The following THRA variants were observed in gnomAD, a reference collection of about 807,000 sequenced individuals.
The protein encoded by THRA is thyroid hormone receptor alpha.
A neutral mutation model predicts 45.0 loss-of-function variants in THRA; 13 were observed. That is an observed-to-expected ratio of 0.29 (90% CI 0.19 to 0.46). The LOEUF is 0.46. Ranked by LOEUF, THRA falls within the 20% of genes least tolerant of loss-of-function variation. The pLI, the probability that THRA is intolerant of heterozygous loss-of-function variation, is 1.00. For synonymous variants in THRA, 195 were observed against 214.0 expected, an observed-to-expected ratio of 0.91 and a Z score of 0.78; for missense variants, 278 against 556.1, an observed-to-expected ratio of 0.50 and a Z score of 5.03.
At chr17:40,068,620 C>T (rs559079807) in intron 1 of THRA, among the ~76,000 whole-genome samples, 1 of 152,214 alleles carries the variant, frequency 6.6e-6, no homozygotes, top group Middle Eastern at 3.2e-3. Flanking sequence ...CCAGGAAATA[C>T]TATCCTTGCT....
intron 1 of THRA, among the ~76,000 whole-genome samples, chr17:40,065,908 C>T (rs568848633): frequency 1.3e-5 from 2 of 152,244 alleles, no homozygotes; most frequent in East Asian, 1.9e-4. Flanking sequence ...AGGCTCCCCC[C>T]ACACTGGCCC....
Position 40,077,609 on chromosome 17 carries a change from G to A in THRA, c.222+1G>A. ...CTGTATCACTTGTGAGGGCTGCAAGGTATGGAAGCTACCTCCTGCCCCTCC... is the reference window on the plus strand; with the variant it reads ...CTGTATCACTTGTGAGGGCTGCAAGATATGGAAGCTACCTCCTGCCCCTCC... On this transcript the variant is annotated splice_donor_variant, in intron 4 of 8. Transcript: ENST00000450525. LOFTEE classifies it high-confidence loss of function. 6.2e-7 allele frequency: 1 copy of A among 1,613,188 alleles called. No individual in the cohort carries two copies. Among genetic ancestry groups the A allele is most frequent in the Non-Finnish European group, 8.5e-7 (1 of 1,179,334 alleles).
At chr17:40,069,585 G>T (rs1203795670) in intron 1 of THRA, among the ~76,000 whole-genome samples, 2 of 152,146 alleles carry the variant, frequency 1.3e-5, no homozygotes, top group East Asian at 1.9e-4. Flanking sequence ...CCAATTACCC[G>T]CTGGCTGCTG....
At chr17:40,067,699 G>A (rs1986621450) in intron 1 of THRA, among the ~76,000 whole-genome samples, 1 of 152,204 alleles carries the variant, frequency 6.6e-6, no homozygotes, top group Admixed American at 6.5e-5. Flanking sequence ...GTGACGGGAA[G>A]CCTTTGGAGT....
chr17:40,062,693 C>A (rs1490101904), upstream of THRA: 1 of 150,742 alleles, frequency 6.6e-6, no homozygotes, highest in African/African-American at 2.4e-5. Flanking sequence ...CGGGAGCCGC[C>A]CGGGCTGGGG....
intron 1 of THRA, among the ~76,000 whole-genome samples, chr17:40,065,109 G>T (rs911251206): frequency 1.7e-4 from 26 of 152,012 alleles, no homozygotes; most frequent in African/African-American, 6.3e-4. Context: ...GTGGGTTCAG[G>T]GGGGTTCCAG....
downstream of THRA, chr17:40,093,348 G>T: frequency 6.8e-6 from 11 of 1,612,678 alleles, no homozygotes; most frequent in South Asian, 1.1e-5. This position sits in a 1 kb window ranked among gnomAD's most constrained non-coding sequence, Gnocchi z 5.9. Context: ...CCGGAGGTCT[G>T]CGAGGACCTG....
chr17:40,063,413 C>A (rs976970859), intron 1 of THRA, among the ~76,000 whole-genome samples: 10 of 152,156 alleles, frequency 6.6e-5, no homozygotes, highest in Non-Finnish European at 1.3e-4. Flanking sequence ...GGCCGGGCCC[C>A]GTTGCCGGCC....
intron 2 of THRA, among the ~76,000 whole-genome samples, chr17:40,074,846 C>T (rs2145056645): frequency 6.6e-6 from 1 of 152,336 alleles, no homozygotes; most frequent in South Asian, 2.1e-4. Flanking sequence ...CCATTGCTGC[C>T]CTTACCTTGA....
chr17:40,070,863 C>T (rs1172116492), intron 1 of THRA, among the ~76,000 whole-genome samples: 2 of 150,764 alleles, frequency 1.3e-5, no homozygotes, highest in East Asian at 2.0e-4. Flanking sequence ...GGGTACGAAG[C>T]CCCCCACCCA....
chr17:40,069,996 G>T (rs1192979599), intron 1 of THRA, among the ~76,000 whole-genome samples: 2 of 151,918 alleles, frequency 1.3e-5, no homozygotes, highest in African/African-American at 4.8e-5. Flanking sequence ...TGACCTGCAG[G>T]GGGGGTTTCC....
chr17:40,087,256 A>C (rs1987356535), intron 7 of THRA, among the ~76,000 whole-genome samples: 1 of 151,246 alleles, frequency 6.6e-6, no homozygotes, highest in African/African-American at 2.4e-5. Context: ...ACACACACAC[A>C]CACACCTAGC....
intron 1 of THRA, among the ~76,000 whole-genome samples, chr17:40,070,623 A>G (rs1484339924): frequency 1.3e-5 from 2 of 152,056 alleles, no homozygotes; most frequent in Non-Finnish European, 2.9e-5. Flanking sequence ...GCCCCTCAGC[A>G]TCGCCCTTCC....
chr17:40,089,356 G>C lies in THRA; in HGVS notation c.1133G>C (p.Gly378Ala). The C allele has an allele frequency of 6.2e-7, 1 of 1,614,080 alleles. No individual in the cohort carries two copies. The highest frequency in any genetic ancestry group is 8.5e-7 in the Non-Finnish European group (1 of 1,180,010). The change falls in exon 9 of 9, where the codon GGG becomes GCG. Residue 378 changes from glycine (G) to alanine (A), a missense_variant. Physicochemically the swap from Gly to Ala is moderately conservative, Grantham distance 60 (BLOSUM62 0). Coordinates refer to ENST00000450525, the MANE Select transcript of THRA (RefSeq NM_199334.5). The surrounding 1 kb of genome is among the most constrained non-coding windows in gnomAD (Gnocchi z 6.1). ...AAGGTGACTGACCTCCGCATGATCG[G>C]GGCCTGCCACGCCAGCCGCTTCCTC... ...LMKVTDLRMI[G>A]ACHASRFLHM...
chr17:40,067,599 T>C (rs1233634480), intron 1 of THRA, among the ~76,000 whole-genome samples: 1 of 152,132 alleles, frequency 6.6e-6, no homozygotes, highest in East Asian at 1.9e-4. Context: ...CCTTTGTGAG[T>C]CTGGTGATCA....
chr17:40,074,167 CCCTG>C (rs1986870691), intron 1 of THRA, 21 bp from the exon 2 acceptor site: 2 of 349,012 alleles, frequency 5.7e-6, no homozygotes, highest in Admixed American at 8.2e-5. Flanking sequence ...ACCTTCTTAC[CCCTG>C]CCTCTCTCTT....
Position 40,086,811 on chromosome 17 carries a change from C to T in THRA, c.681C>T (p.Thr227=). 6.2e-7 allele frequency: 1 copy of T among 1,614,146 alleles called. No individual in the cohort carries two copies. The highest frequency in any genetic ancestry group is 1.1e-5 in the South Asian group (1 of 91,084). ...CCAAGATCATCACCCCGGCCATCAC[C>T]CGTGTGGTGGACTTTGCCAAAAAAC... ...EFTKIITPAI[T]RVVDFAKKLP... is the part of the protein sequence containing the mutation. Residue 227 remains threonine (T), a synonymous_variant, in exon 7 of 9, where the codon ACC becomes ACT. Coordinates refer to ENST00000450525, the MANE Select transcript of THRA (RefSeq NM_199334.5).
Position 40,074,330 on chromosome 17 carries a change from A to C in THRA, c.-159A>C. 1.4e-6 allele frequency: 1 copy of C among 729,924 alleles called. No homozygotes were observed. Among genetic ancestry groups the C allele is most frequent in the Non-Finnish European group, 2.3e-6 (1 of 431,588 alleles). 45.2% of individuals were successfully genotyped at this position (729,924 alleles called of 1,614,324 possible). On this transcript the variant is annotated 5_prime_UTR_variant, in exon 2 of 9. An upstream start codon of the reference 5' UTR is lost. Transcript: ENST00000450525. ...GCCCGCCCCCCTTGGGGCGCAGGGC[A>C]TGGTGTGAAAGGCCAAGTGCTGAGG...
At chr17:40,063,919 G>A (rs1217388264) in intron 1 of THRA, among the ~76,000 whole-genome samples, 1 of 151,922 alleles carries the variant, frequency 6.6e-6, no homozygotes, top group Non-Finnish European at 1.5e-5. Flanking sequence ...CCAGGGGTGG[G>A]GGTGGGGGAC....
Sources: gnomAD v4.1 joint callset for allele counts (sites outside exome capture counted in the v4.1 genomes callset) on GRCh38, gnomAD v4.1.1 for gene constraint, Gnocchi (gnomAD v3.1) non-coding constraint, MANE v1.5 for transcripts, NCBI Gene and HGNC (gene_info 2026-07-23, HGNC 2026-07-21) for gene names.